The following CBLB variants were observed in gnomAD, a reference collection of about 807,000 sequenced individuals.
The protein encoded by CBLB is E3 ubiquitin-protein ligase CBL-B.
Under a neutral mutation model 104.9 loss-of-function variants are expected in CBLB, and 31 were observed. That is an observed-to-expected ratio of 0.30 (90% CI 0.22 to 0.40). The LOEUF (loss-of-function observed/expected upper bound fraction) is 0.40, where lower values mean the gene tolerates loss of function less well. CBLB is among the 10% of genes least tolerant of loss of function. The pLI is 1.00. For missense variants in CBLB, 1,062 were observed against 1,214.6 expected, an observed-to-expected ratio of 0.87 and a Z score of 1.87; for synonymous variants, 440 against 422.6, an observed-to-expected ratio of 1.04 and a Z score of -0.51.
intron 3 of CBLB, among the ~76,000 whole-genome samples, chr3:105,826,166 T>C (rs1425077479): frequency 1.3e-5 from 2 of 152,094 alleles, no homozygotes. Context: ...AAGTTAATTG[T>C]ACAACTCATG....
intron 4 of CBLB, among the ~76,000 whole-genome samples, chr3:105,775,233 C>T (rs2079314813): frequency 6.6e-6 from 1 of 151,820 alleles, no homozygotes; most frequent in African/African-American, 2.4e-5. Flanking sequence ...CATTTTAGTA[C>T]AATGTGGGAA....
chr3:105,846,697 C>T (rs1037928231), intron 3 of CBLB, among the ~76,000 whole-genome samples: 1 of 152,104 alleles, frequency 6.6e-6, no homozygotes, highest in African/African-American at 2.4e-5. Flanking sequence ...TTCCTGGCTC[C>T]ACATTCCTGT....
Position 105,656,202 on chromosome 3 carries a change from G to C in CBLB, c.*2768C>G, listed in dbSNP as rs1306803634. The C allele has an allele frequency of 4.6e-6, 1 of 217,538 alleles. No individual in the cohort carries two copies. The highest frequency in any genetic ancestry group is 9.2e-6 in the Non-Finnish European group (1 of 108,128). The allele number at this position is 217,538 out of a possible 1,614,324, so 13.5% of individuals were successfully genotyped here. On this transcript the variant is annotated 3_prime_UTR_variant, in exon 19 of 19. Coordinates refer to ENST00000394030, the MANE Select transcript of CBLB (RefSeq NM_170662.5). ...GTCCTTCTATCTCCAGAACATGTTTGGGTTGGGTGAGAAGGGTTGATATTG... is the reference window on the plus strand; with the variant it reads ...GTCCTTCTATCTCCAGAACATGTTTCGGTTGGGTGAGAAGGGTTGATATTG...
chr3:105,860,192 A>G (rs2091978518), intron 2 of CBLB, among the ~76,000 whole-genome samples: 1 of 152,246 alleles, frequency 6.6e-6, no homozygotes, highest in Non-Finnish European at 1.5e-5. Context: ...CTTTGCATAT[A>G]GTAGATGTGC....
intron 2 of CBLB, among the ~76,000 whole-genome samples, chr3:105,858,684 T>TAG (rs2091836531): frequency 6.6e-6 from 1 of 152,232 alleles, no homozygotes; most frequent in South Asian, 2.1e-4. Context: ...AATTCCACTA[T>TAG]AGCCATTGAC....
At chr3:105,782,592 T>C (rs1231078874) in intron 3 of CBLB, among the ~76,000 whole-genome samples, 4 of 150,234 alleles carry the variant, frequency 2.7e-5, no homozygotes, top group Non-Finnish European at 4.4e-5. Context: ...TTTTTTTTTT[T>C]TTTTTTTTTT....
At chr3:105,757,344 G>C (rs1047413959) in intron 4 of CBLB, among the ~76,000 whole-genome samples, 3 of 152,146 alleles carry the variant, frequency 2.0e-5, no homozygotes, top group African/African-American at 7.2e-5. Flanking sequence ...CATAAAGAGA[G>C]GAAGAAGCCA....
rs576852532 is a variant in CBLB at position 105,808,965 on chromosome 3, T to C, written c.420-32423A>G. ...TTAGATTGTAAGATCAGAATCACTG[T>C]CAGCTGCTCAAAAGACAAAATAACC... On this transcript the variant is annotated intron_variant, in intron 3 of 18. Coordinates refer to ENST00000394030, the MANE Select transcript of CBLB (RefSeq NM_170662.5). Among the ~76,000 whole-genome samples the C allele has an allele frequency of 2.0e-5, 3 of 152,348 alleles. No individual in the cohort carries two copies. The South Asian group carries it at 6.2e-4, about 32-fold the overall frequency.
chr3:105,668,590 T>A (rs1483443288), intron 18 of CBLB, among the ~76,000 whole-genome samples: 1 of 152,206 alleles, frequency 6.6e-6, no homozygotes, highest in Non-Finnish European at 1.5e-5. Context: ...ACTTTCATGT[T>A]TTGTCATCAA....
In CBLB at chr3:105,670,223, G is replaced by A. The variant is rs751772234; in HGVS notation, c.2689+10C>T. The A allele has an allele frequency of 9.3e-6, 15 of 1,612,028 alleles. No individual in the cohort carries two copies. In the Admixed American group the frequency reaches 2.5e-4, roughly 27 times the overall value. ...TAAGGTATTATTGTTACTGTTACTA[G>A]CCAACTCACCTGAACATGAAGGAAG... On this transcript the variant is annotated intron_variant, in intron 18 of 18. Coordinates refer to ENST00000394030, the MANE Select transcript of CBLB (RefSeq NM_170662.5).
In CBLB at chr3:105,737,824, C is replaced by A. The variant is rs377664237; in HGVS notation, c.984-566G>T. ...GCACATATGCAAACACACAGACACA[C>A]AGGCACATACACATTTTAAAAAATT... On this transcript the variant is annotated intron_variant, in intron 7 of 18. Transcript: ENST00000394030. Among the ~76,000 whole-genome samples the A allele has an allele frequency of 2.0e-5, 3 of 152,290 alleles. No homozygotes were observed. In the East Asian group the frequency reaches 5.8e-4, roughly 29 times the overall value.
At chr3:105,675,239 AACAAC>A in intron 17 of CBLB, among the ~76,000 whole-genome samples, 1 of 152,220 alleles carries the variant, frequency 6.6e-6, no homozygotes, top group Non-Finnish European at 1.5e-5. Context: ...TTACAGACTG[AACAAC>A]GAAAACAACG....
chr3:105,702,597 A>G lies in CBLB; in HGVS notation c.1594-138T>C, dbSNP rs1264027914. The G allele has an allele frequency of 1.2e-5, 10 of 865,502 alleles. No individual in the cohort carries two copies. The East Asian group carries it at 2.7e-4, about 23-fold the overall frequency. The allele number at this position is 865,502 out of a possible 1,614,324, so 53.6% of individuals were successfully genotyped here. ...AGGAGTTTTACTAGATTCCTGTGCC[A>G]TCTTTTAATAAGTTGCTTTTATTAC... On this transcript the variant is annotated intron_variant, in intron 11 of 18. Transcript: ENST00000394030.
chr3:105,856,787 G>A (rs1029808510), intron 2 of CBLB, among the ~76,000 whole-genome samples: 2 of 152,100 alleles, frequency 1.3e-5, no homozygotes, highest in African/African-American at 4.8e-5. Context: ...TCTTTACAAA[G>A]TATAGTGAAA....
At chr3:105,750,675 C>A (rs1039156253) in intron 5 of CBLB, among the ~76,000 whole-genome samples, 1 of 152,026 alleles carries the variant, frequency 6.6e-6, no homozygotes, top group Non-Finnish European at 1.5e-5. Flanking sequence ...TAAGATAATT[C>A]CATTAAGGCA....
intron 3 of CBLB, among the ~76,000 whole-genome samples, chr3:105,847,517 C>T (rs1340629437): frequency 6.6e-6 from 1 of 151,800 alleles, no homozygotes; most frequent in East Asian, 1.9e-4. Flanking sequence ...AATGTTAAGG[C>T]AACATCTATG....
chr3:105,739,712 T>C (rs922565580), intron 7 of CBLB, among the ~76,000 whole-genome samples: 3 of 151,828 alleles, frequency 2.0e-5, no homozygotes, highest in East Asian at 3.9e-4. Context: ...TTATTATTAG[T>C]GTGAAAAAGG....
chr3:105,788,672 T>C (rs1043462382), intron 3 of CBLB, among the ~76,000 whole-genome samples: 1 of 152,198 alleles, frequency 6.6e-6, no homozygotes, highest in Admixed American at 6.5e-5. Flanking sequence ...TTGTAAAGGA[T>C]TGAGTACTTA....
At chr3:105,667,340 AAT>A (rs1219307138) in intron 18 of CBLB, among the ~76,000 whole-genome samples, 3 of 152,198 alleles carry the variant, frequency 2.0e-5, no homozygotes, top group Admixed American at 2.0e-4. Context: ...ACTGTAGTAC[AAT>A]ATGTCTTACA....
Sources: gnomAD v4.1 joint callset for allele counts (sites outside exome capture counted in the v4.1 genomes callset) on GRCh38, gnomAD v4.1.1 for gene constraint, MANE v1.5 for transcripts, NCBI Gene and HGNC (gene_info 2026-07-23, HGNC 2026-07-21) for gene names.